The following SNRPN variants were observed in gnomAD, a reference collection of about 807,000 sequenced individuals.
The protein encoded by SNRPN is small nuclear ribonucleoprotein polypeptide N.
A neutral mutation model predicts 25.2 loss-of-function variants in SNRPN; 7 were observed. That is an observed-to-expected ratio of 0.28 (90% CI 0.16 to 0.52). The LOEUF (loss-of-function observed/expected upper bound fraction) is 0.52, where lower values mean the gene tolerates loss of function less well. Among genes scored for constraint, SNRPN ranks in the 20% least tolerant of loss-of-function variants. The probability of loss-of-function intolerance (pLI) is 0.96; values close to 1 mark genes in which losing one functional copy is unlikely to be tolerated. For synonymous variants in SNRPN, 124 were observed against 110.6 expected (o/e 1.12, Z -0.76); for missense variants, 196 against 322.5 (o/e 0.61, Z 3.00).
At chr15:24,847,046 CTTGA>C (rs2052266989) in intron 2 of SNRPN, among the ~76,000 whole-genome samples, 1 of 152,160 alleles carries the variant, frequency 6.6e-6, no homozygotes, top group Non-Finnish European at 1.5e-5. Context: ...AGAAGCTCCT[CTTGA>C]TTGAGTCATA....
At chr15:24,895,918 G>C (rs180876582) in intron 2 of SNRPN, among the ~76,000 whole-genome samples, 1 of 152,148 alleles carries the variant, frequency 6.6e-6, no homozygotes, top group Admixed American at 6.6e-5. Context: ...ATGAGAACAA[G>C]GTCTTTCAAT....
At chr15:24,919,690 C>T (rs545473566) in intron 2 of SNRPN, among the ~76,000 whole-genome samples, 3 of 152,220 alleles carry the variant, frequency 2.0e-5, no homozygotes, top group African/African-American at 7.2e-5. Flanking sequence ...TCAAACATCA[C>T]TTGGGGGATG....
chr15:24,883,038 A>G (rs1475394043), intron 1 of SNRPN, among the ~76,000 whole-genome samples: 1 of 152,160 alleles, frequency 6.6e-6, no homozygotes, highest in African/African-American at 2.4e-5. Context: ...GTGAAAAACA[A>G]TGGTTGTGTG....
At chr15:24,927,474 AAATTTTTTTTTTTTTT>A (rs2060467926) in intron 3 of SNRPN, among the ~76,000 whole-genome samples, 1 of 6,854 alleles carries the variant, frequency 1.5e-4, no homozygotes, top group Non-Finnish European at 3.3e-4. Context: ...TAAAGTTTTT[AAATTTTTTTTTTTTTT>A]TTTTTTTTTT....
At chr15:24,944,195 G>C (rs2061740982) in intron 3 of SNRPN, among the ~76,000 whole-genome samples, 1 of 152,174 alleles carries the variant, frequency 6.6e-6, no homozygotes, top group South Asian at 2.1e-4. Context: ...ACCTGTTGCA[G>C]AAGCTTCTGT....
intron 2 of SNRPN, among the ~76,000 whole-genome samples, chr15:24,903,654 G>GA (rs2058607686): frequency 6.6e-6 from 1 of 152,168 alleles, no homozygotes; most frequent in Non-Finnish European, 1.5e-5. Context: ...AAAAGGCCAT[G>GA]AAAAAGTTTA....
chr15:24,893,407 A>C (rs932684523), intron 2 of SNRPN, among the ~76,000 whole-genome samples: 2 of 152,092 alleles, frequency 1.3e-5, no homozygotes, highest in African/African-American at 2.4e-5. Context: ...GGTTGAGCCC[A>C]GGAGTTCCAC....
chr15:24,963,056 C>A (rs767560782), intron 2 of SNRPN, among the ~76,000 whole-genome samples: 3 of 152,074 alleles, frequency 2.0e-5, no homozygotes, highest in East Asian at 3.9e-4. Flanking sequence ...AGCCATCAGA[C>A]CTTGTCCTAT....
At chr15:24,973,555 G>C (rs2076710228) in intron 3 of SNRPN, among the ~76,000 whole-genome samples, 1 of 151,858 alleles carries the variant, frequency 6.6e-6, no homozygotes, top group African/African-American at 2.4e-5. Flanking sequence ...CCACCACCAT[G>C]CCTGGCTAAT....
At chr15:24,952,040 T>C (rs2062322137), upstream of SNRPN, among the ~76,000 whole-genome samples, 1 of 152,054 alleles carries the variant, frequency 6.6e-6, no homozygotes, top group Non-Finnish European at 1.5e-5. Context: ...CGGATTTATA[T>C]ATATACACAC....
intron 1 of SNRPN, among the ~76,000 whole-genome samples, chr15:24,881,991 A>C (rs529877758): frequency 6.6e-6 from 1 of 152,246 alleles, no homozygotes; most frequent in Admixed American, 6.5e-5. Context: ...CCTTCTCCTC[A>C]TCCACTTCCA....
chr15:24,943,076 T>C (rs1002696762), intron 3 of SNRPN, among the ~76,000 whole-genome samples: 13 of 151,806 alleles, frequency 8.6e-5, no homozygotes, highest in African/African-American at 2.9e-4. Context: ...TATAAGTCCA[T>C]CTATCTCTTC....
rs113756180 is a variant in SNRPN, at chr15:24,968,217, T to C, written c.-144+135T>C. On this transcript the variant is annotated intron_variant, in intron 3 of 9. Coordinates refer to ENST00000390687, the MANE Select transcript of SNRPN (RefSeq NM_003097.6). ...ACAATAAACACATTGCAGAAAGTTT[T>C]AGAAAGTTTTGCAGGACCTTAAATT... 6.4e-3 allele frequency: 3,942 copies of C among 611,708 alleles called. 99 individuals are homozygous for C. In the African/African-American group the frequency reaches 0.066, roughly 10 times the overall value. 37.9% of individuals were successfully genotyped at this position (611,708 alleles called of 1,614,324 possible). A position where few individuals can be genotyped will look rare whatever the true frequency, so the allele number is the denominator to read the frequency against.
upstream of SNRPN, chr15:24,954,964 G>A (rs2062592486): frequency 3.1e-6 from 5 of 1,589,012 alleles, no homozygotes; most frequent in Admixed American, 6.9e-5. Context: ...TGCGAAGCCT[G>A]CCGCTGCTGC....
intron 1 of SNRPN, among the ~76,000 whole-genome samples, chr15:24,862,743 G>A (rs1566837574): frequency 6.6e-6 from 1 of 150,732 alleles, no homozygotes. Context: ...GGGATGGGAT[G>A]GACAAGGGGG....
intron 2 of SNRPN, among the ~76,000 whole-genome samples, chr15:24,887,898 C>A (rs1360294225): frequency 1.3e-5 from 2 of 151,812 alleles, no homozygotes; most frequent in African/African-American, 2.4e-5. Flanking sequence ...ACCCCCCAGG[C>A]TCATGGATGG....
chr15:24,852,823 G>C (rs981111717), upstream of SNRPN, among the ~76,000 whole-genome samples: 16 of 152,116 alleles, frequency 1.1e-4, no homozygotes, highest in African/African-American at 3.6e-4. Context: ...CTACTCGGGA[G>C]GCTGAGGTGG....
chr15:24,864,280 G>C (rs974674589), intron 1 of SNRPN, among the ~76,000 whole-genome samples: 2 of 149,022 alleles, frequency 1.3e-5, no homozygotes, highest in Non-Finnish European at 3.0e-5. Context: ...CGCCCGCCTC[G>C]GCCTCCCAAA....
intron 3 of SNRPN, among the ~76,000 whole-genome samples, chr15:24,942,731 A>G (rs567635888): frequency 2.0e-5 from 3 of 152,114 alleles, no homozygotes; most frequent in Admixed American, 6.6e-5. Context: ...CCAGGTAGCT[A>G]CCTGATCACT....
Sources: allele counts gnomAD v4.1 joint callset (sites outside exome capture counted in the v4.1 genomes callset), GRCh38; gene constraint gnomAD v4.1.1; transcripts MANE v1.5; gene names NCBI Gene and HGNC (gene_info 2026-07-23, HGNC 2026-07-21).